SLC22A23: variants seen among roughly 807,000 people sequenced by gnomAD.
The protein encoded by SLC22A23 is ion transporter protein.
A neutral mutation model predicts 61.0 loss-of-function variants in SLC22A23; 26 were observed. The observed-to-expected ratio is 0.43, with a 90% confidence interval of 0.31 to 0.59. The LOEUF (loss-of-function observed/expected upper bound fraction) is 0.59, where lower values mean the gene tolerates loss of function less well. Ranked by LOEUF, SLC22A23 falls within the 20% of genes least tolerant of loss-of-function variation. The pLI, the probability that SLC22A23 is intolerant of heterozygous loss-of-function variation, is 0.11. For synonymous variants in SLC22A23, 430 were observed against 413.9 expected (o/e 1.04, Z -0.47); for missense variants, 796 against 934.7 (o/e 0.85, Z 1.94).
intron 5 of SLC22A23, among the ~76,000 whole-genome samples, chr6:3,296,023 T>G (rs773829535): frequency 6.6e-6 from 1 of 152,178 alleles, no homozygotes; most frequent in Non-Finnish European, 1.5e-5. Context: ...GGGAAATGAA[T>G]CAGTGTAATT....
chr6:3,397,314 AG>A (rs1381604687), intron 3 of SLC22A23, among the ~76,000 whole-genome samples: 14 of 152,360 alleles, frequency 9.2e-5, no homozygotes, highest in Admixed American at 9.1e-4. Flanking sequence ...GCAGTGAAAA[AG>A]TTCACCTTTG....
At chr6:3,335,449 AGTCCTGC>A (rs1763799981) in intron 3 of SLC22A23, among the ~76,000 whole-genome samples, 1 of 152,194 alleles carries the variant, frequency 6.6e-6, no homozygotes, top group Non-Finnish European at 1.5e-5. Context: ...TTCTCAGCCA[AGTCCTGC>A]ACAGGGAATT....
At chr6:3,332,026 A>G (rs1266659821) in intron 3 of SLC22A23, among the ~76,000 whole-genome samples, 1 of 152,214 alleles carries the variant, frequency 6.6e-6, no homozygotes, top group Non-Finnish European at 1.5e-5. Context: ...AATCATACGC[A>G]GTGAGTGACC....
chr6:3,396,095 C>T (rs1271311028), intron 3 of SLC22A23, among the ~76,000 whole-genome samples: 2 of 152,148 alleles, frequency 1.3e-5, no homozygotes, highest in African/African-American at 2.4e-5. Context: ...GACTTGGGAC[C>T]GGGGAAGTTC....
chr6:3,427,510 C>T lies in SLC22A23; in HGVS notation c.655-11655G>A, dbSNP rs1378734208. On this transcript the variant is annotated intron_variant, in intron 1 of 9. Transcript: ENST00000406686. This position sits in a 1 kb window ranked among gnomAD's most constrained non-coding sequence, Gnocchi z 4.3. ...AAGTGGGCCAGACGAGGATGGAAGA[C>T]GCCCTCCAGGGAGCAGCTGTGTTCA... 6.6e-6 allele frequency among the ~76,000 whole-genome samples: 1 copy of T among 152,094 alleles called. No homozygotes were observed.
chr6:3,362,625 A>C (rs1344987965), intron 3 of SLC22A23, among the ~76,000 whole-genome samples: 1 of 151,924 alleles, frequency 6.6e-6, no homozygotes, highest in African/African-American at 2.4e-5. Context: ...AAGGTAACAA[A>C]GGAATGGAAC....
At chr6:3,355,080 C>A (rs114539804) in intron 3 of SLC22A23, among the ~76,000 whole-genome samples, 1,725 of 151,954 alleles carry the variant, frequency 0.011, 15 homozygotes, top group Middle Eastern at 0.044. Context: ...ACAAAAAAAA[C>A]CAGCGCCTCT....
chr6:3,395,263 A>G (rs1767931972), intron 3 of SLC22A23, among the ~76,000 whole-genome samples: 1 of 152,166 alleles, frequency 6.6e-6, no homozygotes, highest in African/African-American at 2.4e-5. Flanking sequence ...ATTTATACGC[A>G]CCAAAGGCCA....
intron 4 of SLC22A23, among the ~76,000 whole-genome samples, chr6:3,319,615 G>C (rs4959809): frequency 0.52 from 79,446 of 151,994 alleles, 21,454 homozygotes; most frequent in African/African-American, 0.66. Context: ...ATACCAGCTC[G>C]CTTCACTGCC....
At chr6:3,305,459 G>A (rs999196425) in intron 4 of SLC22A23, among the ~76,000 whole-genome samples, 1 of 152,126 alleles carries the variant, frequency 6.6e-6, no homozygotes, top group Admixed American at 6.5e-5. Context: ...TTTATGACGC[G>A]CTCCGTGAAT....
chr6:3,442,827 A>AC (rs1200959840), intron 1 of SLC22A23, among the ~76,000 whole-genome samples: 1 of 152,072 alleles, frequency 6.6e-6, no homozygotes, highest in Non-Finnish European at 1.5e-5. Flanking sequence ...AAAAAAAAAA[A>AC]ACACCTGATA....
intron 3 of SLC22A23, among the ~76,000 whole-genome samples, chr6:3,388,612 A>G (rs1767457967): frequency 6.6e-6 from 1 of 152,248 alleles, no homozygotes; most frequent in Non-Finnish European, 1.5e-5. Flanking sequence ...CCAAGTTCAT[A>G]GCAGCGTTAT....
rs968923170 is a variant in SLC22A23 at position 3,456,123 on chromosome 6, C to G, written c.437G>C (p.Gly146Ala). The change falls in exon 1 of 10, where the codon GGC becomes GCC. Residue 146 changes from glycine (G) to alanine (A), a missense_variant. Gly to Ala is a moderately conservative substitution (Grantham distance 60, BLOSUM62 0). Coordinates refer to ENST00000406686, the MANE Select transcript of SLC22A23 (RefSeq NM_015482.2). The surrounding 1 kb of genome is among the most constrained non-coding windows in gnomAD (Gnocchi z 7.1). ...GCTGGTCCAGTTGCCCATGTCCCCG[C>G]CCCGGCCTGTGGTGGTGACCCCTGC... Reference protein sequence around the residue: ...ELAGVTTTGRGGDMGNWTSLP... With the variant: ...ELAGVTTTGRAGDMGNWTSLP... The G allele has an allele frequency of 5.2e-6, 8 of 1,551,014 alleles. No individual in the cohort carries two copies. Among genetic ancestry groups the G allele is most frequent in the Non-Finnish European group, 7.0e-6 (8 of 1,146,790 alleles).
intron 4 of SLC22A23, among the ~76,000 whole-genome samples, chr6:3,302,149 C>G (rs1761659456): frequency 6.6e-6 from 1 of 152,202 alleles, no homozygotes. Context: ...TCTATTTCCT[C>G]TTGGCTCAAT....
rs1765352234 is a variant in SLC22A23 at position 3,360,253 on chromosome 6, AT to A, written c.914-36252del. Among the ~76,000 whole-genome samples the A allele has an allele frequency of 6.6e-6, 1 of 152,128 alleles. No individual in the cohort carries two copies. Among genetic ancestry groups the A allele is most frequent in the Non-Finnish European group, 1.5e-5 (1 of 68,024 alleles). On this transcript the variant is annotated intron_variant, in intron 3 of 9. Transcript: ENST00000406686. The surrounding 1 kb of genome is among the most constrained non-coding windows in gnomAD (Gnocchi z 4.6). The stretch of plus-strand genomic sequence containing the variant: ...ACAATTAAAAGTAGTTAAAATGGTA[AT>A]TTTTATGCTATGTTTATTTTACCAT...
intron 3 of SLC22A23, among the ~76,000 whole-genome samples, chr6:3,399,900 C>CG (rs1768265462): frequency 6.6e-6 from 1 of 152,116 alleles, no homozygotes; most frequent in African/African-American, 2.4e-5. Flanking sequence ...TTTTTTGAGA[C>CG]GGAGTTTTGC....
At chr6:3,298,341 G>A in intron 4 of SLC22A23, 123 bp from the exon 5 acceptor site, 1 of 1,081,254 alleles carries the variant, frequency 9.2e-7, no homozygotes, top group South Asian at 1.6e-5. Context: ...ACACGCATCA[G>A]CCCAATCAGG....
chr6:3,373,553 G>A (rs1446955350), intron 3 of SLC22A23, among the ~76,000 whole-genome samples: 1 of 152,106 alleles, frequency 6.6e-6, no homozygotes, highest in Non-Finnish European at 1.5e-5. Context: ...GGCATAGGAA[G>A]GCCTGGGGGA....
chr6:3,293,603 C>T (rs1405181905), intron 5 of SLC22A23, among the ~76,000 whole-genome samples: 1 of 152,248 alleles, frequency 6.6e-6, no homozygotes, highest in Non-Finnish European at 1.5e-5. Flanking sequence ...CTCGTCTGCC[C>T]AGACACAGGC....
Sources: allele counts gnomAD v4.1 joint callset (sites outside exome capture counted in the v4.1 genomes callset), GRCh38; gene constraint gnomAD v4.1.1; non-coding constraint Gnocchi (gnomAD v3.1); transcripts MANE v1.5; gene names NCBI Gene and HGNC (gene_info 2026-07-23, HGNC 2026-07-21).